PREX1: variants seen among roughly 807,000 people sequenced by gnomAD.
PREX1 encodes phosphatidylinositol 3,4,5-trisphosphate-dependent Rac exchanger 1 protein.
In PREX1, 41 loss-of-function variants were observed where a neutral mutation model predicts 198.3. The ratio of observed to expected loss-of-function variants is 0.21; its 90% CI spans 0.16 to 0.27. The LOEUF (loss-of-function observed/expected upper bound fraction) is 0.27, where lower values mean the gene tolerates loss of function less well. PREX1 is among the 10% of genes least tolerant of loss of function. The pLI, the probability that PREX1 is intolerant of heterozygous loss-of-function variation, is 1.00. For synonymous variants in PREX1, 843 were observed against 887.2 expected, an observed-to-expected ratio of 0.95 and a Z score of 0.89; for missense variants, 1,620 against 2,200.7, an observed-to-expected ratio of 0.74 and a Z score of 5.28.
chr20:48,882,527 G>GAC, the PREX1 span, among the ~76,000 whole-genome samples: 1 of 80,158 alleles, frequency 1.2e-5, no homozygotes, highest in African/African-American at 5.0e-5. Flanking sequence ...AAAAAAAAAA[G>GAC]AGAGAATCTT....
chr20:48,735,810 C>A (rs1403952129), intron 3 of PREX1, among the ~76,000 whole-genome samples: 2 of 152,092 alleles, frequency 1.3e-5, no homozygotes, highest in African/African-American at 2.4e-5. Flanking sequence ...GGACTCAAAC[C>A]CCCTTAACCC....
At chr20:48,689,920 C>T (rs917800015) in intron 9 of PREX1, among the ~76,000 whole-genome samples, 8 of 152,130 alleles carry the variant, frequency 5.3e-5, no homozygotes, top group East Asian at 1.9e-4. Context: ...AGAGGAGAAG[C>T]GGATGGGTGT....
chr20:48,703,304 G>A (rs763112052), intron 6 of PREX1, among the ~76,000 whole-genome samples: 49 of 152,376 alleles, frequency 3.2e-4, no homozygotes, highest in African/African-American at 7.0e-4. Context: ...CTGTGCAGCC[G>A]GGACAGGAGC....
chr20:48,658,285 C>A, intron 16 of PREX1, 57 bp from the exon 17 acceptor site: 1 of 1,557,520 alleles, frequency 6.4e-7, no homozygotes, highest in Non-Finnish European at 8.8e-7. Flanking sequence ...CTACGGCCAG[C>A]CCCACCGTGG....
chr20:48,646,130 A>T, intron 25 of PREX1, 73 bp from the exon 26 acceptor site: 1 of 1,460,630 alleles, frequency 6.8e-7, no homozygotes, highest in Non-Finnish European at 9.5e-7. Context: ...AAATCCCACC[A>T]GCAGCTGCAG....
intron 1 of PREX1, among the ~76,000 whole-genome samples, chr20:48,765,004 G>C (rs919152908): frequency 6.6e-6 from 1 of 152,018 alleles, no homozygotes; most frequent in Non-Finnish European, 1.5e-5. Flanking sequence ...TTTCAGCCCC[G>C]TAAGACCCAG....
chr20:48,799,507 G>C (rs768540431), intron 1 of PREX1, among the ~76,000 whole-genome samples: 4 of 152,190 alleles, frequency 2.6e-5, no homozygotes, highest in Non-Finnish European at 5.9e-5. Flanking sequence ...TATCACCCTG[G>C]AGACTGCATG....
At chr20:48,734,165 C>T (rs2090047021) in intron 4 of PREX1, among the ~76,000 whole-genome samples, 1 of 152,178 alleles carries the variant, frequency 6.6e-6, no homozygotes. Context: ...ACTACTCTTG[C>T]TGCCATTTTT....
intron 1 of PREX1, among the ~76,000 whole-genome samples, chr20:48,753,647 T>C (rs564537890): frequency 6.6e-6 from 1 of 152,308 alleles, no homozygotes; most frequent in East Asian, 1.9e-4. Flanking sequence ...CCAAATACTG[T>C]CTAATGCGGG....
chr20:48,717,319 G>A (rs992826410), intron 5 of PREX1, among the ~76,000 whole-genome samples: 3 of 151,994 alleles, frequency 2.0e-5, no homozygotes, highest in African/African-American at 7.3e-5. Context: ...TCCAGGAAGG[G>A]GCTGATCCTG....
chr20:48,626,911 G>A lies in PREX1; in HGVS notation c.4937+637C>T, dbSNP rs550969496. Reference sequence around the variant, plus strand: ...GGAGAGAGGATCAGACGGAAACAACGTCATGATCCTAAAGGGCCTACATGT... The same window carrying A: ...GGAGAGAGGATCAGACGGAAACAACATCATGATCCTAAAGGGCCTACATGT... On this transcript the variant is annotated intron_variant, in intron 39 of 39. Coordinates refer to ENST00000371941, the MANE Select transcript of PREX1 (RefSeq NM_020820.4). Among the ~76,000 whole-genome samples the A allele has an allele frequency of 1.4e-4, 21 of 152,254 alleles. No individual in the cohort carries two copies. The South Asian group carries it at 4.1e-3, about 30-fold the overall frequency.
intron 14 of PREX1, among the ~76,000 whole-genome samples, chr20:48,670,560 G>C (rs950455254): frequency 6.6e-6 from 1 of 152,208 alleles, no homozygotes; most frequent in African/African-American, 2.4e-5. Context: ...AAATCACCCA[G>C]TGGAGAGGTG....
At chr20:48,743,808 C>T (rs1699649558) in intron 3 of PREX1, among the ~76,000 whole-genome samples, 1 of 152,232 alleles carries the variant, frequency 6.6e-6, no homozygotes, top group Non-Finnish European at 1.5e-5. Context: ...CAGAAGCTCT[C>T]CTTGCCCTCA....
At chr20:48,629,766 A>G (rs927669759) in intron 36 of PREX1, 145 bp from the exon 37 acceptor site, 24 of 839,556 alleles carry the variant, frequency 2.9e-5, no homozygotes, top group Non-Finnish European at 4.1e-5. Flanking sequence ...GGGGATAACA[A>G]TGCAATTCAA....
the PREX1 span, among the ~76,000 whole-genome samples, chr20:48,882,085 C>A: frequency 1.3e-5 from 2 of 152,198 alleles, no homozygotes; most frequent in East Asian, 3.9e-4. Flanking sequence ...TGTATCAGTT[C>A]TTTATAACTT....
intron 25 of PREX1, 150 bp downstream of exon 25, chr20:48,649,150 G>T (rs577121903): frequency 5.1e-5 from 59 of 1,164,182 alleles, no homozygotes; most frequent in Non-Finnish European, 5.9e-6. Flanking sequence ...GCAGCTAGTG[G>T]ATAGACGAAA....
intron 4 of PREX1, 28 bp from the exon 5 acceptor site, chr20:48,726,419 A>G (rs1252731154): frequency 6.4e-7 from 1 of 1,562,836 alleles, no homozygotes; most frequent in African/African-American, 1.4e-5. Flanking sequence ...ACCTTCATGA[A>G]ACCCACCAAG....
chr20:48,653,490 C>T lies in PREX1; in HGVS notation c.2217G>A (p.Glu739=), dbSNP rs774253512. The T allele has an allele frequency of 6.2e-7, 1 of 1,610,866 alleles. No homozygotes were observed. The highest frequency in any genetic ancestry group is 8.5e-7 in the Non-Finnish European group (1 of 1,178,304). The change falls in exon 20 of 40, where the codon GAG becomes GAA. Residue 739 remains glutamate, a synonymous_variant. Coordinates refer to ENST00000371941, the MANE Select transcript of PREX1 (RefSeq NM_020820.4). ...CAGCACAGAGCCCTGCAGCCATGGC[C>T]TCAGAGCCTAAGGGGAACAGGAGCA... is the stretch of plus-strand genomic sequence containing the variant. ...PYVYAVGRGS[E]AMAAGLCAGQ...
chr20:48,857,976 A>G, the PREX1 span, among the ~76,000 whole-genome samples: 1 of 152,236 alleles, frequency 6.6e-6, no homozygotes, highest in Non-Finnish European at 1.5e-5. Flanking sequence ...TGGAGCAGCA[A>G]AAAGGAAAGT....
Sources: gnomAD v4.1 joint callset for allele counts (sites outside exome capture counted in the v4.1 genomes callset) on GRCh38, gnomAD v4.1.1 for gene constraint, MANE v1.5 for transcripts, NCBI Gene and HGNC (gene_info 2026-07-23, HGNC 2026-07-21) for gene names.